Variants in TTC28 observed in about 807,000 individuals in gnomAD.
TTC28 encodes the protein tetratricopeptide repeat protein 28.
A neutral mutation model predicts 198.0 loss-of-function variants in TTC28; 61 were observed. That is an observed-to-expected ratio of 0.31 (90% confidence interval 0.25 to 0.38). The LOEUF is 0.38. Ranked by LOEUF, TTC28 falls within the 10% of genes least tolerant of loss-of-function variation. The pLI is 1.00. For synonymous variants in TTC28, 1,171 were observed against 1,297.8 expected (o/e 0.90, Z 2.10); for missense variants, 2,678 against 3,164.0 (o/e 0.85, Z 3.69).
chr22:28,236,584 T>A (rs1420864696), intron 5 of TTC28, among the ~76,000 whole-genome samples: 1 of 152,156 alleles, frequency 6.6e-6, no homozygotes, highest in African/African-American at 2.4e-5. Flanking sequence ...CAAGTGCCAA[T>A]AAACTGCAAA....
At chr22:28,558,011 T>G (rs532741596) in intron 2 of TTC28, among the ~76,000 whole-genome samples, 6 of 152,340 alleles carry the variant, frequency 3.9e-5, no homozygotes, top group African/African-American at 1.2e-4. Flanking sequence ...AATTTTTAGC[T>G]GTAATTTTGT....
At chr22:28,124,377 T>C (rs1942866708) in intron 6 of TTC28, among the ~76,000 whole-genome samples, 1 of 152,170 alleles carries the variant, frequency 6.6e-6, no homozygotes, top group Admixed American at 6.5e-5. Flanking sequence ...AGAATGATAA[T>C]ATATATAGTG....
chr22:28,432,360 AT>A (rs2047446300), intron 2 of TTC28, among the ~76,000 whole-genome samples: 1 of 152,046 alleles, frequency 6.6e-6, no homozygotes. Context: ...AAATGTATTG[AT>A]TTGTTAATAC....
intron 5 of TTC28, among the ~76,000 whole-genome samples, chr22:28,260,019 C>T (rs1333192420): frequency 6.6e-6 from 1 of 152,126 alleles, no homozygotes. Flanking sequence ...TGTCTTCCCA[C>T]AATTCTTATA....
At chr22:27,993,148 C>A in intron 18 of TTC28, 139 bp downstream of exon 18, 1 of 741,450 alleles carries the variant, frequency 1.3e-6, no homozygotes, top group Non-Finnish European at 2.1e-6. Context: ...GTATCTGGGA[C>A]CCCCTGCCAT....
chr22:28,534,368 A>G (rs1394017916), intron 2 of TTC28, among the ~76,000 whole-genome samples: 3 of 152,202 alleles, frequency 2.0e-5, no homozygotes, highest in Non-Finnish European at 4.4e-5. Context: ...ATGAGATACC[A>G]TCTCACACCA....
At chr22:28,498,245 C>T (rs1385967441) in intron 2 of TTC28, among the ~76,000 whole-genome samples, 1 of 151,932 alleles carries the variant, frequency 6.6e-6, no homozygotes, top group African/African-American at 2.4e-5. Context: ...AAACAACGAA[C>T]AGATCAACCA....
At chr22:27,984,539 C>A (rs558941738) in intron 22 of TTC28, among the ~76,000 whole-genome samples, 2 of 152,038 alleles carry the variant, frequency 1.3e-5, no homozygotes, top group African/African-American at 2.4e-5. Context: ...GCATGCACCC[C>A]GGGTGATGCC....
chr22:28,243,174 CAAAAAAAAAAAAAAAAAAAAAA>C (rs754700795), intron 5 of TTC28, among the ~76,000 whole-genome samples: 34 of 68,328 alleles, frequency 5.0e-4, no homozygotes, highest in African/African-American at 1.0e-3. Flanking sequence ...CCCCTCTCTA[CAAAAAAAAAAAAAAAAAAAAAA>C]AAAAAAAAAA....
At chr22:28,140,069 G>A (rs1363266524) in intron 6 of TTC28, among the ~76,000 whole-genome samples, 1 of 152,160 alleles carries the variant, frequency 6.6e-6, no homozygotes, top group African/African-American at 2.4e-5. Flanking sequence ...TGGCTGCCTG[G>A]GTGATCTTGG....
chr22:28,164,269 C>T (rs1569172472), intron 5 of TTC28, among the ~76,000 whole-genome samples: 1 of 152,130 alleles, frequency 6.6e-6, no homozygotes. Context: ...ACTTAAATGT[C>T]CCTGTCTGAC....
chr22:28,296,963 A>T (rs2145782155), intron 4 of TTC28, among the ~76,000 whole-genome samples: 1 of 152,302 alleles, frequency 6.6e-6, no homozygotes, highest in East Asian at 1.9e-4. Context: ...TACTATACTA[A>T]TCTCCTTCAA....
intron 2 of TTC28, among the ~76,000 whole-genome samples, chr22:28,455,035 G>A (rs2047838128): frequency 6.6e-6 from 1 of 152,202 alleles, no homozygotes; most frequent in Admixed American, 6.5e-5. Context: ...GAGAAATTAA[G>A]AGTATAAAGA....
intron 2 of TTC28, among the ~76,000 whole-genome samples, chr22:28,338,314 T>C (rs1327261986): frequency 6.6e-6 from 1 of 152,188 alleles, no homozygotes; most frequent in African/African-American, 2.4e-5. Flanking sequence ...GACAATTATG[T>C]GTCTTGGCAT....
chr22:28,579,193 T>C (rs111073861), intron 2 of TTC28, among the ~76,000 whole-genome samples: 2,991 of 150,906 alleles, frequency 0.02, 30 homozygotes, highest in Non-Finnish European at 0.027. Context: ...TATATATACA[T>C]ACATTATATA....
At chr22:28,023,858 C>A (rs2146610665) in intron 13 of TTC28, among the ~76,000 whole-genome samples, 1 of 152,296 alleles carries the variant, frequency 6.6e-6, no homozygotes, top group South Asian at 2.1e-4. Flanking sequence ...GGGCAACTAA[C>A]TTAACCTCTC....
Position 27,998,805 on chromosome 22 carries a change from C to T in TTC28, c.4854G>A (p.Val1618=). ...GGGAGGAGCCAAGCACCACCAGCTTCACAGGCAGCTGCAGGTCCAGGACGT... is the reference window on the plus strand; with the variant it reads ...GGGAGGAGCCAAGCACCACCAGCTTTACAGGCAGCTGCAGGTCCAGGACGT... ...AADVLDLQLP[V]KLVVLGSSQE... The change falls in exon 16 of 23, where the codon GTG becomes GTA. Residue 1618 remains valine, a synonymous_variant. Coordinates refer to ENST00000397906, the MANE Select transcript of TTC28 (RefSeq NM_001145418.2). The T allele has an allele frequency of 6.4e-7, 1 of 1,550,668 alleles. No homozygotes were observed. The highest frequency in any genetic ancestry group is 8.7e-7 in the Non-Finnish European group (1 of 1,147,000).
At chr22:28,341,215 A>G (rs963294459) in intron 2 of TTC28, among the ~76,000 whole-genome samples, 5 of 152,238 alleles carry the variant, frequency 3.3e-5, no homozygotes, top group Non-Finnish European at 7.3e-5. Flanking sequence ...AGACAAATAT[A>G]TCAAAACAAT....
chr22:28,192,888 C>G (rs1353766353), intron 5 of TTC28, among the ~76,000 whole-genome samples: 1 of 152,206 alleles, frequency 6.6e-6, no homozygotes, highest in African/African-American at 2.4e-5. Flanking sequence ...TCCAGGAGAA[C>G]TTCCCCAACC....
Sources: allele counts gnomAD v4.1 joint callset (sites outside exome capture counted in the v4.1 genomes callset), GRCh38; gene constraint gnomAD v4.1.1; transcripts MANE v1.5; gene names NCBI Gene and HGNC (gene_info 2026-07-23, HGNC 2026-07-21).